Variants in HIPK1 observed in about 807,000 individuals in gnomAD.
HIPK1 encodes homeodomain interacting protein kinase 1.
A neutral mutation model predicts 117.1 loss-of-function variants in HIPK1; 28 were observed. That is an observed-to-expected ratio of 0.24 (90% CI 0.18 to 0.33). The LOEUF is 0.33. Among genes scored for constraint, HIPK1 ranks in the 10% least tolerant of loss-of-function variants. The probability of loss-of-function intolerance (pLI) is 1.00; values close to 1 mark genes in which losing one functional copy is unlikely to be tolerated. For missense variants in HIPK1, 1,122 were observed against 1,475.1 expected (o/e 0.76, Z 3.92); for synonymous variants, 605 against 562.5 (o/e 1.08, Z -1.07).
chr1:113,939,719 A>T (rs975560070), intron 1 of HIPK1, among the ~76,000 whole-genome samples: 4 of 152,120 alleles, frequency 2.6e-5, no homozygotes, highest in Admixed American at 6.5e-5. Context: ...ATGAGATCGG[A>T]TGGTTGAAAA....
chr1:113,937,861 A>G (rs1307683840), intron 1 of HIPK1, among the ~76,000 whole-genome samples: 1 of 152,108 alleles, frequency 6.6e-6, no homozygotes, highest in Non-Finnish European at 1.5e-5. Flanking sequence ...CAAGAACTAA[A>G]GAAAGAAAGG....
chr1:113,933,701 C>CA (rs1442854994), intron 1 of HIPK1, among the ~76,000 whole-genome samples: 3 of 151,796 alleles, frequency 2.0e-5, no homozygotes, highest in Admixed American at 6.6e-5. Context: ...CCTGTCTCTA[C>CA]AAAAAATACA....
intron 10 of HIPK1, among the ~76,000 whole-genome samples, chr1:113,964,684 A>C (rs953467155): frequency 6.6e-6 from 1 of 152,220 alleles, no homozygotes; most frequent in Admixed American, 6.5e-5. Flanking sequence ...TGTCACTTCC[A>C]GATTAATTTT....
intron 1 of HIPK1, among the ~76,000 whole-genome samples, chr1:113,938,615 ATATACT>A (rs1379096526): frequency 2.0e-5 from 3 of 151,916 alleles, no homozygotes; most frequent in Non-Finnish European, 4.4e-5. Context: ...CTGATTTGAA[ATATACT>A]TAGGAGGCCA....
chr1:113,949,943 T>A (rs1045834908), intron 2 of HIPK1, among the ~76,000 whole-genome samples: 2 of 152,140 alleles, frequency 1.3e-5, no homozygotes, highest in African/African-American at 4.8e-5. Context: ...AATTAAATAC[T>A]ACAAAAACTG....
chr1:113,968,665 G>T lies in HIPK1; in HGVS notation c.2771+17G>T, dbSNP rs762101437. ...GCCCAGTAGGTAAGATAAGTGAATG[G>T]TTCCTGGCTCTATTGGTTTTAGACT... On this transcript the variant is annotated intron_variant, in intron 13 of 15. Coordinates refer to ENST00000426820, the MANE Select transcript of HIPK1 (RefSeq NM_198268.3). The T allele has an allele frequency of 1.9e-6, 3 of 1,599,028 alleles. No homozygotes were observed. The East Asian group carries it at 6.7e-5, about 36-fold the overall frequency.
rs1673044773 is a variant in HIPK1 at position 113,974,594 on chromosome 1, T to C, written c.*1082T>C. The C allele has an allele frequency of 6.5e-6, 1 of 152,782 alleles. No individual in the cohort carries two copies. Among genetic ancestry groups the C allele is most frequent in the Non-Finnish European group, 1.5e-5 (1 of 68,046 alleles). The allele number at this position is 152,782 out of a possible 1,614,324, so 9.5% of individuals were successfully genotyped here. A position where few individuals can be genotyped will look rare whatever the true frequency, so the allele number is the denominator to read the frequency against. On this transcript the variant is annotated 3_prime_UTR_variant, in exon 16 of 16. Coordinates refer to ENST00000426820, the MANE Select transcript of HIPK1 (RefSeq NM_198268.3). ...GATAAGAACATTTCTTGTGTATAGC[T>C]TTTATACTTCAAAGTAGCTTCCTTT...
At position 113,969,999 on chromosome 1, in the gene HIPK1, G is replaced by A; in HGVS notation, c.2815G>A (p.Val939Ile). The A allele has an allele frequency of 6.2e-7, 1 of 1,614,124 alleles. No homozygotes were observed. Residue 939 changes from valine to isoleucine, a missense_variant, in exon 14 of 16, where the codon GTC becomes ATC. Transcript: ENST00000426820. ...GTCTAATGTCATCAGTTATGTCACTGTCAATGATTCTCCAGACTCTGACTC... is the reference window on the plus strand; with the variant it reads ...GTCTAATGTCATCAGTTATGTCACTATCAATGATTCTCCAGACTCTGACTC... ...PRSNVISYVT[V>I]NDSPDSDSSL... is the part of the protein sequence containing the mutation.
At chr1:113,953,392 A>T (rs1322970136) in intron 3 of HIPK1, among the ~76,000 whole-genome samples, 3 of 152,210 alleles carry the variant, frequency 2.0e-5, no homozygotes, top group Non-Finnish European at 4.4e-5. Flanking sequence ...GTAATATATG[A>T]TCTGTATCTA....
Position 113,973,086 on chromosome 1 carries a change from G to A in HIPK1, c.3207G>A (p.Arg1069=). 1 of 1,536,236 alleles carries A rather than the reference G, an allele frequency of 6.5e-7. No homozygotes were observed. Among genetic ancestry groups the A allele is most frequent in the Non-Finnish European group, 8.8e-7 (1 of 1,141,348 alleles). Residue 1069 remains arginine, a synonymous_variant, in exon 16 of 16, where the codon AGG becomes AGA. Transcript: ENST00000426820. ...GAAGCAGCAACCCAGCCCCCCGCAG[G>A]CAGCAGGCGTTTGTGGCCCCTCTCT... is the stretch of plus-strand genomic sequence containing the variant. ...QERSSNPAPR[R]QQAFVAPLSQ... is the part of the protein sequence containing the mutation.
chr1:113,970,629 A>T (rs540492814), intron 14 of HIPK1, among the ~76,000 whole-genome samples: 6 of 152,350 alleles, frequency 3.9e-5, no homozygotes, highest in African/African-American at 1.4e-4. Flanking sequence ...CCAGTGTCAT[A>T]GCAGTGATGC....
intron 2 of HIPK1, among the ~76,000 whole-genome samples, chr1:113,950,076 T>C (rs1671246635): frequency 6.6e-6 from 1 of 152,188 alleles, no homozygotes; most frequent in Admixed American, 6.5e-5. Context: ...CCAGATTTAC[T>C]GTTTTCTAAG....
At chr1:113,934,784 GAAAAAAAAAA>G (rs564619583) in intron 1 of HIPK1, among the ~76,000 whole-genome samples, 224 of 51,524 alleles carry the variant, frequency 4.3e-3, no homozygotes, top group Non-Finnish European at 4.3e-3. Flanking sequence ...CCTCATCTCT[GAAAAAAAAAA>G]AAAAAAAAAA....
chr1:113,944,304 C>T (rs1670847880), intron 2 of HIPK1, among the ~76,000 whole-genome samples: 1 of 148,870 alleles, frequency 6.7e-6, no homozygotes, highest in Non-Finnish European at 1.5e-5. Context: ...GCTGGGATTA[C>T]AGGTGCCTGC....
At chr1:113,960,141 G>C (rs749855567) in intron 8 of HIPK1, among the ~76,000 whole-genome samples, 6 of 152,072 alleles carry the variant, frequency 3.9e-5, no homozygotes, top group Non-Finnish European at 5.9e-5. Context: ...TGGACTATCT[G>C]TTCTTTTACA....
Position 113,976,267 on chromosome 1 carries a change from TTC to T in HIPK1, c.*2757_*2758del, listed in dbSNP as rs527307858. On this transcript the variant is annotated 3_prime_UTR_variant, in exon 16 of 16. Transcript: ENST00000426820. ...AAGATAGCCAAGCAGTTTGTATAAT[TTC>T]TGTCACTAGTGTCATACAGTTTTCT... is the stretch of plus-strand genomic sequence containing the variant. The T allele has an allele frequency of 6.6e-5, 10 of 152,580 alleles. No individual in the cohort carries two copies. In the South Asian group the frequency reaches 2.1e-3, roughly 32 times the overall value. The allele number at this position is 152,580 out of a possible 1,614,324, so 9.5% of individuals were successfully genotyped here.
At chr1:113,956,309 C>T (rs901739598) in intron 5 of HIPK1, among the ~76,000 whole-genome samples, 1 of 152,024 alleles carries the variant, frequency 6.6e-6, no homozygotes, top group Non-Finnish European at 1.5e-5. Flanking sequence ...AAACTCCTGA[C>T]CTCAGGTGAT....
intron 8 of HIPK1, among the ~76,000 whole-genome samples, chr1:113,961,460 T>C (rs919825198): frequency 6.6e-6 from 1 of 152,200 alleles, no homozygotes; most frequent in East Asian, 1.9e-4. Context: ...ATAAAATATA[T>C]GACTGATTTA....
rs754924391 is a variant in HIPK1 at position 113,973,369 on chromosome 1, C to G, written c.3490C>G (p.Leu1164Val). Reference protein sequence around the residue: ...HQVPVSVGPSLLTSASVAPAQ... With the variant: ...HQVPVSVGPSVLTSASVAPAQ... ...GGTCCCTGTCAGTGTTGGGCCCAGC[C>G]TCCTCACTTCTGCCAGCGTGGCCCC... is the stretch of plus-strand genomic sequence containing the variant. The change falls in exon 16 of 16, where the codon CTC becomes GTC. Residue 1164 changes from leucine (L) to valine (V), a missense_variant. By Grantham distance (32) the Leu-to-Val change is conservative. Transcript: ENST00000426820. The G allele has an allele frequency of 6.2e-7, 1 of 1,614,178 alleles. No individual in the cohort carries two copies. The highest frequency in any genetic ancestry group is 8.5e-7 in the Non-Finnish European group (1 of 1,180,040).
Sources: allele counts gnomAD v4.1 joint callset (sites outside exome capture counted in the v4.1 genomes callset), GRCh38; gene constraint gnomAD v4.1.1; transcripts MANE v1.5; gene names NCBI Gene and HGNC (gene_info 2026-07-23, HGNC 2026-07-21).